PRKN: variants seen among roughly 807,000 people sequenced by gnomAD.
PRKN encodes parkin RBR E3 ubiquitin protein ligase, also known as E3 ubiquitin-protein ligase parkin.
PRKN carries 56 observed loss-of-function variants against 59.5 expected under a neutral mutation model. That is an observed-to-expected ratio of 0.94 (90% CI 0.76 to 1.18). PRKN has a LOEUF of 1.18. Ranked by LOEUF, PRKN falls within the 50% of genes most tolerant of loss-of-function variation. The pLI, the probability that PRKN is intolerant of heterozygous loss-of-function variation, is 0.00. For synonymous variants in PRKN, 250 were observed against 222.1 expected (o/e 1.13, Z -1.12); for missense variants, 657 against 596.4 (o/e 1.10, Z -1.06).
intron 2 of PRKN, among the ~76,000 whole-genome samples, chr6:162,271,158 C>A (rs1780370797): frequency 6.6e-6 from 1 of 151,890 alleles, no homozygotes; most frequent in Non-Finnish European, 1.5e-5. Flanking sequence ...AGCCACTGCA[C>A]CTGGCTTTAA....
intron 5 of PRKN, among the ~76,000 whole-genome samples, chr6:162,045,010 C>A (rs1024410418): frequency 6.6e-5 from 10 of 152,176 alleles, no homozygotes; most frequent in African/African-American, 2.4e-4. Context: ...CACTCCATCC[C>A]CAATTTTTCC....
intron 1 of PRKN, among the ~76,000 whole-genome samples, chr6:162,580,490 T>C (rs1191590043): frequency 6.8e-6 from 1 of 147,820 alleles, no homozygotes; most frequent in African/African-American, 2.5e-5. Context: ...GGACTGAGAA[T>C]TGGGAGCAAT....
At chr6:162,153,198 C>G (rs1361230571) in intron 4 of PRKN, among the ~76,000 whole-genome samples, 1 of 152,214 alleles carries the variant, frequency 6.6e-6, no homozygotes. Context: ...CAGGAGGGAG[C>G]GTGCAAGTGA....
intron 1 of PRKN, among the ~76,000 whole-genome samples, chr6:162,473,352 A>G (rs766277455): frequency 1.3e-5 from 2 of 152,206 alleles, no homozygotes; most frequent in Non-Finnish European, 2.9e-5. Context: ...TTCAGAGAAG[A>G]GGACTTAATG....
At chr6:162,208,523 C>T (rs1416981842) in intron 3 of PRKN, among the ~76,000 whole-genome samples, 2 of 151,944 alleles carry the variant, frequency 1.3e-5, no homozygotes, top group Non-Finnish European at 2.9e-5. Context: ...GTTGTTGTTG[C>T]CAATTTATTT....
chr6:162,131,847 G>A (rs1781374034), intron 4 of PRKN, among the ~76,000 whole-genome samples: 1 of 152,172 alleles, frequency 6.6e-6, no homozygotes, highest in African/African-American at 2.4e-5. Context: ...TTCAGCAAAT[G>A]TAAAGGTAGA....
In PRKN at chr6:162,206,669, GAAT is replaced by G. The variant is rs1784954739; in HGVS notation, c.413-5420_413-5418del. Among the ~76,000 whole-genome samples the G allele has an allele frequency of 2.0e-5, 3 of 152,262 alleles. 1 individual carries two copies. The South Asian group carries it at 6.2e-4, about 32-fold the overall frequency. On this transcript the variant is annotated intron_variant, in intron 3 of 11. Transcript: ENST00000366898. ...TGGTGGAGCCCTGGATTCTCCTGTG[GAAT>G]AGATGCATGGCCAGAGTTTCTGGAC... is the stretch of plus-strand genomic sequence containing the variant.
intron 9 of PRKN, among the ~76,000 whole-genome samples, chr6:161,543,636 T>C (rs1222893648): frequency 6.6e-6 from 1 of 152,244 alleles, no homozygotes; most frequent in Non-Finnish European, 1.5e-5. Context: ...TTCATTTAAA[T>C]GTGTATTTTT....
At chr6:162,369,592 A>G (rs540321374) in intron 2 of PRKN, among the ~76,000 whole-genome samples, 2 of 152,308 alleles carry the variant, frequency 1.3e-5, no homozygotes, top group East Asian at 3.9e-4. Context: ...TTACTCACAA[A>G]GAGAAAAAAG....
rs954753983 is a variant in PRKN at position 161,610,479 on chromosome 6, T to C, written c.872-41063A>G. The stretch of plus-strand genomic sequence containing the variant: ...AATATATAACTAAGAAAAATGTATA[T>C]GTATATTAATAATACACACACACAC... On this transcript the variant is annotated intron_variant, in intron 7 of 11. Coordinates refer to ENST00000366898, the MANE Select transcript of PRKN (RefSeq NM_004562.3). 2.1e-5 allele frequency among the ~76,000 whole-genome samples: 3 copies of C among 144,246 alleles called. No homozygotes were observed. In the South Asian group the frequency reaches 6.4e-4, roughly 31 times the overall value. The allele number at this position is 144,246 out of a possible 152,430, so 94.6% of individuals were successfully genotyped here.
chr6:162,337,585 C>A (rs1319736062), intron 2 of PRKN, among the ~76,000 whole-genome samples: 1 of 152,180 alleles, frequency 6.6e-6, no homozygotes, highest in Non-Finnish European at 1.5e-5. Flanking sequence ...CTCTGCAGCT[C>A]CTGGTCAACA....
In PRKN at chr6:161,488,614, T is replaced by G. The variant is rs1009637597; in HGVS notation, c.1083+60240A>C. On this transcript the variant is annotated intron_variant, in intron 9 of 11. Coordinates refer to ENST00000366898, the MANE Select transcript of PRKN (RefSeq NM_004562.3). The surrounding 1 kb of genome is among the most constrained non-coding windows in gnomAD (Gnocchi z 4.5). ...GATCTTCCTGCCTCAGCCTCCTGAG[T>G]AGGTGGGACTAAAGGCATGCACCAC... Among the ~76,000 whole-genome samples, 13 of 152,038 alleles carry G rather than the reference T, an allele frequency of 8.6e-5. No homozygotes were observed. The highest frequency in any genetic ancestry group is 2.7e-4 in the African/African-American group (11 of 41,390).
chr6:162,644,692 C>T (rs895736144), intron 1 of PRKN, among the ~76,000 whole-genome samples: 1 of 152,168 alleles, frequency 6.6e-6, no homozygotes, highest in Non-Finnish European at 1.5e-5. Flanking sequence ...CTAAGTACCA[C>T]TAGGCAATGC....
intron 3 of PRKN, among the ~76,000 whole-genome samples, chr6:162,211,753 G>A (rs1785206424): frequency 6.6e-6 from 1 of 152,054 alleles, no homozygotes; most frequent in Non-Finnish European, 1.5e-5. Flanking sequence ...AAATTTCGAT[G>A]CTTTAAGCAT....
At position 161,444,298 on chromosome 6, in the gene PRKN, G is replaced by A. The variant is rs1036873632; in HGVS notation, c.1084-57421C>T. ...AACTTGTCTTTCCTATTTAGCAAAC[G>A]ATTGAGATTCTCTTCCTTAAAGACA... is the stretch of plus-strand genomic sequence containing the variant. On this transcript the variant is annotated intron_variant, in intron 9 of 11. Transcript: ENST00000366898. This position sits in a 1 kb window ranked among gnomAD's most constrained non-coding sequence, Gnocchi z 5.6. 1.3e-5 allele frequency among the ~76,000 whole-genome samples: 2 copies of A among 152,174 alleles called. No homozygotes were observed. Among genetic ancestry groups the A allele is most frequent in the African/African-American group, 2.4e-5 (1 of 41,432 alleles).
chr6:161,349,924 G>C lies in PRKN; in HGVS notation c.*175C>G. The C allele has an allele frequency of 1.5e-6, 1 of 656,068 alleles. No individual in the cohort carries two copies. Among genetic ancestry groups the C allele is most frequent in the Non-Finnish European group, 2.8e-6 (1 of 358,228 alleles). The allele number at this position is 656,068 out of a possible 1,614,324, so 40.6% of individuals were successfully genotyped here. A position where few individuals can be genotyped will look rare whatever the true frequency, so the allele number is the denominator to read the frequency against. ...GCTGTTTTTCATGGACATAGTGAAA[G>C]GGATCCAGGAGTTTCTTCTGCAATT... On this transcript the variant is annotated 3_prime_UTR_variant, in exon 12 of 12. Transcript: ENST00000366898. The surrounding 1 kb of genome is among the most constrained non-coding windows in gnomAD (Gnocchi z 5.5).
At chr6:162,107,540 G>C (rs1328098142) in intron 4 of PRKN, among the ~76,000 whole-genome samples, 1 of 152,216 alleles carries the variant, frequency 6.6e-6, no homozygotes, top group Non-Finnish European at 1.5e-5. Context: ...TTTTAAATGA[G>C]AGAGAACAGA....
chr6:162,345,564 C>T (rs947634872), intron 2 of PRKN, among the ~76,000 whole-genome samples: 3 of 152,126 alleles, frequency 2.0e-5, no homozygotes, highest in East Asian at 1.9e-4. Flanking sequence ...TCACAAAGGC[C>T]GTATAAATCT....
intron 1 of PRKN, among the ~76,000 whole-genome samples, chr6:162,715,789 C>G (rs891240353): frequency 6.6e-6 from 1 of 152,170 alleles, no homozygotes; most frequent in African/African-American, 2.4e-5. Flanking sequence ...TACTCCATCC[C>G]GTCAACTACT....
Sources: allele counts gnomAD v4.1 joint callset (sites outside exome capture counted in the v4.1 genomes callset), GRCh38; gene constraint gnomAD v4.1.1; non-coding constraint Gnocchi (gnomAD v3.1); transcripts MANE v1.5; gene names NCBI Gene and HGNC (gene_info 2026-07-23, HGNC 2026-07-21).